NDST3: variants seen among roughly 807,000 people sequenced by gnomAD.
NDST3 encodes N-deacetylase and N-sulfotransferase 3.
In NDST3, 58 loss-of-function variants were observed where a neutral mutation model predicts 96.1. That is an observed-to-expected ratio of 0.60 (90% CI 0.49 to 0.75). NDST3 has a LOEUF of 0.75. Among genes scored for constraint, NDST3 ranks in the 30% least tolerant of loss-of-function variants. The pLI, the probability that NDST3 is intolerant of heterozygous loss-of-function variation, is 0.00. For synonymous variants in NDST3, 333 were observed against 359.7 expected, an observed-to-expected ratio of 0.93 and a Z score of 0.84; for missense variants, 788 against 1,034.2, an observed-to-expected ratio of 0.76 and a Z score of 3.27.
At chr4:118,099,913 T>C (rs372180063) in intron 2 of NDST3, among the ~76,000 whole-genome samples, 4 of 152,090 alleles carry the variant, frequency 2.6e-5, no homozygotes, top group Admixed American at 1.3e-4. Flanking sequence ...GAGCACTTCA[T>C]GGTGCTCCAG....
chr4:118,129,611 G>T (rs916347369), intron 4 of NDST3, among the ~76,000 whole-genome samples: 2 of 151,938 alleles, frequency 1.3e-5, no homozygotes, highest in East Asian at 3.9e-4. Flanking sequence ...CTAACATATG[G>T]TCTATCCTTG....
At chr4:118,193,838 T>C in intron 6 of NDST3, 1 of 1,307,632 alleles carries the variant, frequency 7.6e-7, no homozygotes, top group Non-Finnish European at 1.1e-6. Flanking sequence ...TTGAAGGGCC[T>C]GTGCCTTCTG....
chr4:118,211,243 C>G (rs1223488041), intron 6 of NDST3, among the ~76,000 whole-genome samples: 1 of 152,066 alleles, frequency 6.6e-6, no homozygotes, highest in Non-Finnish European at 1.5e-5. Context: ...ATTAGGGAGG[C>G]CATTCTGCAA....
At chr4:118,187,498 A>AG (rs1175383304) in intron 6 of NDST3, among the ~76,000 whole-genome samples, 1 of 152,208 alleles carries the variant, frequency 6.6e-6, no homozygotes, top group African/African-American at 2.4e-5. Flanking sequence ...TTGACTATGA[A>AG]GGAACAAGGC....
chr4:118,162,601 A>G (rs1485308377), intron 6 of NDST3, among the ~76,000 whole-genome samples: 1 of 151,034 alleles, frequency 6.6e-6, no homozygotes, highest in African/African-American at 2.4e-5. Context: ...AAATCAATTC[A>G]AGATGGATTA....
intron 12 of NDST3, among the ~76,000 whole-genome samples, chr4:118,247,197 A>AG (rs1178998818): frequency 6.0e-5 from 3 of 50,262 alleles, no homozygotes; most frequent in Admixed American, 3.2e-4. Flanking sequence ...TCCACACACC[A>AG]GGGGGGTTTA....
At chr4:118,249,758 ACAC>A (rs1741546946) in intron 12 of NDST3, among the ~76,000 whole-genome samples, 2 of 152,090 alleles carry the variant, frequency 1.3e-5, no homozygotes, top group African/African-American at 4.8e-5. Context: ...ACACACACAC[ACAC>A]ATTAGATCAC....
At chr4:118,199,238 GT>G (rs1219314026) in intron 6 of NDST3, among the ~76,000 whole-genome samples, 1 of 152,028 alleles carries the variant, frequency 6.6e-6, no homozygotes, top group East Asian at 1.9e-4. Flanking sequence ...ATGCTTCATG[GT>G]TTTTTATTCT....
intron 7 of NDST3, among the ~76,000 whole-genome samples, chr4:118,225,736 G>A (rs561399135): frequency 2.9e-4 from 44 of 152,262 alleles, no homozygotes; most frequent in South Asian, 1.0e-3. Flanking sequence ...GCTTTCAACC[G>A]TAAGTTAATT....
intron 4 of NDST3, among the ~76,000 whole-genome samples, chr4:118,136,079 T>C (rs929738014): frequency 6.6e-6 from 1 of 152,194 alleles, no homozygotes; most frequent in African/African-American, 2.4e-5. Context: ...AAAACTACCT[T>C]GAGCTTTTGA....
At chr4:118,126,702 T>C (rs1040416314) in intron 4 of NDST3, among the ~76,000 whole-genome samples, 2 of 152,032 alleles carry the variant, frequency 1.3e-5, no homozygotes, top group African/African-American at 2.4e-5. Flanking sequence ...CTTTTGGGTA[T>C]ATACTCAGCA....
chr4:118,248,892 A>C (rs147835802), intron 12 of NDST3, among the ~76,000 whole-genome samples: 1 of 152,304 alleles, frequency 6.6e-6, no homozygotes, highest in Admixed American at 6.5e-5. Flanking sequence ...ATGGTTCTCC[A>C]TGAAGGACCA....
At chr4:118,147,752 G>A (rs1474604670) in intron 6 of NDST3, among the ~76,000 whole-genome samples, 2 of 152,122 alleles carry the variant, frequency 1.3e-5, no homozygotes, top group African/African-American at 4.8e-5. Flanking sequence ...AGACAGGTTT[G>A]TACTTCTTGT....
intron 4 of NDST3, among the ~76,000 whole-genome samples, chr4:118,125,839 CTAACATT>C (rs1405236760): frequency 6.6e-6 from 1 of 151,992 alleles, no homozygotes; most frequent in Non-Finnish European, 1.5e-5. Context: ...GGAACATAGT[CTAACATT>C]TAATAATCTT....
At chr4:118,126,529 TATATACAC>T (rs1247137254) in intron 4 of NDST3, among the ~76,000 whole-genome samples, 6 of 11,672 alleles carry the variant, frequency 5.1e-4, no homozygotes, top group East Asian at 2.3e-3. Context: ...TATATATATA[TATATACAC>T]ATATATATAT....
intron 6 of NDST3, among the ~76,000 whole-genome samples, chr4:118,158,953 G>A (rs1046362882): frequency 5.9e-5 from 9 of 152,212 alleles, no homozygotes; most frequent in African/African-American, 1.4e-4. Flanking sequence ...CCAGGCAAGC[G>A]CAAAACCAGC....
At chr4:118,072,654 A>G (rs1265614699) in intron 2 of NDST3, among the ~76,000 whole-genome samples, 1 of 151,990 alleles carries the variant, frequency 6.6e-6, no homozygotes, top group Admixed American at 6.6e-5. Context: ...TCTGTATATA[A>G]AATTATATCA....
At chr4:118,056,153 T>C (rs1725414443) in intron 2 of NDST3, among the ~76,000 whole-genome samples, 2 of 152,000 alleles carry the variant, frequency 1.3e-5, no homozygotes, top group South Asian at 4.1e-4. Flanking sequence ...CTTCCATTTT[T>C]TTTCCATTTC....
chr4:118,247,421 G>A (rs370650287), intron 12 of NDST3, among the ~76,000 whole-genome samples: 35 of 152,088 alleles, frequency 2.3e-4, no homozygotes, highest in South Asian at 1.7e-3. Flanking sequence ...GCGTGGTGGC[G>A]CAGGCTTTTA....
Sources: allele counts gnomAD v4.1 joint callset (sites outside exome capture counted in the v4.1 genomes callset), GRCh38; gene constraint gnomAD v4.1.1; transcripts MANE v1.5; gene names NCBI Gene and HGNC (gene_info 2026-07-23, HGNC 2026-07-21).